Variants in NDST3 observed in about 807,000 individuals in gnomAD.
NDST3 encodes the protein bifunctional heparan sulfate N-deacetylase/N-sulfotransferase 3.
Under a neutral mutation model 96.1 loss-of-function variants are expected in NDST3, and 58 were observed. That is an observed-to-expected ratio of 0.60 (90% CI 0.49 to 0.75). NDST3 has a LOEUF of 0.75. Ranked by LOEUF, NDST3 falls within the 30% of genes least tolerant of loss-of-function variation. The probability of loss-of-function intolerance (pLI) is 0.00; values close to 1 mark genes in which losing one functional copy is unlikely to be tolerated. For synonymous variants in NDST3, 333 were observed against 359.7 expected (o/e 0.93, Z 0.84); for missense variants, 788 against 1,034.2 (o/e 0.76, Z 3.27).
chr4:118,251,919 T>C (rs775536598), intron 12 of NDST3, among the ~76,000 whole-genome samples: 4 of 152,200 alleles, frequency 2.6e-5, no homozygotes, highest in Non-Finnish European at 4.4e-5. Context: ...TCTTCTGATT[T>C]ATGAGCATGG....
At chr4:118,100,809 C>T (rs1412443278) in intron 2 of NDST3, among the ~76,000 whole-genome samples, 1 of 152,058 alleles carries the variant, frequency 6.6e-6, no homozygotes, top group Non-Finnish European at 1.5e-5. Flanking sequence ...TCATGTCTAC[C>T]ACTTCTGAAA....
At chr4:118,161,984 G>T (rs1218780564) in intron 6 of NDST3, among the ~76,000 whole-genome samples, 2 of 152,172 alleles carry the variant, frequency 1.3e-5, no homozygotes, top group Admixed American at 1.3e-4. Flanking sequence ...GGGAGCTGTA[G>T]ACCGGAGCTG....
At chr4:118,089,394 T>C (rs929382528) in intron 2 of NDST3, among the ~76,000 whole-genome samples, 1 of 151,934 alleles carries the variant, frequency 6.6e-6, no homozygotes, top group Non-Finnish European at 1.5e-5. Context: ...CCTGGACTTC[T>C]GGTGTCACTA....
intron 6 of NDST3, among the ~76,000 whole-genome samples, chr4:118,192,430 T>A (rs988530823): frequency 1.3e-5 from 2 of 152,194 alleles, no homozygotes; most frequent in Non-Finnish European, 2.9e-5. Flanking sequence ...CAGGTTTAAG[T>A]CTTTAATCCA....
At chr4:118,210,159 T>C (rs1393540953) in intron 6 of NDST3, among the ~76,000 whole-genome samples, 2 of 152,020 alleles carry the variant, frequency 1.3e-5, no homozygotes, top group East Asian at 3.9e-4. Context: ...TTGAGCATGA[T>C]CCCACCACCC....
Position 118,256,600 on chromosome 4 carries a change from T to C in NDST3, c.*888T>C, listed in dbSNP as rs1026094552. The C allele has an allele frequency of 6.6e-6, 1 of 152,210 alleles. No individual in the cohort carries two copies. The highest frequency in any genetic ancestry group is 1.5e-5 in the Non-Finnish European group (1 of 68,036). The allele number at this position is 152,210 out of a possible 1,614,324, so 9.4% of individuals were successfully genotyped here. A position where few individuals can be genotyped will look rare whatever the true frequency, so the allele number is the denominator to read the frequency against. ...AATCTATCCCAGTAGTCCTCACTAG[T>C]TCTACAGAAATGCATGCCTAGAGTC... On this transcript the variant is annotated 3_prime_UTR_variant, in exon 14 of 14. Coordinates refer to ENST00000296499, the MANE Select transcript of NDST3 (RefSeq NM_004784.3).
intron 6 of NDST3, among the ~76,000 whole-genome samples, chr4:118,197,601 C>A (rs569465310): frequency 6.6e-5 from 10 of 152,110 alleles, no homozygotes; most frequent in Non-Finnish European, 1.3e-4. Flanking sequence ...GTCTTGAAAT[C>A]TATTTTGTCT....
intron 13 of NDST3, among the ~76,000 whole-genome samples, chr4:118,254,720 T>C (rs73843414): frequency 2.0e-3 from 304 of 152,326 alleles, no homozygotes; most frequent in African/African-American, 6.7e-3. Flanking sequence ...CCACAATTAA[T>C]ACATTACATT....
intron 2 of NDST3, among the ~76,000 whole-genome samples, chr4:118,063,110 A>C (rs1047941059): frequency 2.6e-5 from 4 of 151,456 alleles, no homozygotes; most frequent in African/African-American, 9.7e-5. Context: ...AAATAGCTTG[A>C]ACCCGGGAGG....
intron 3 of NDST3, among the ~76,000 whole-genome samples, chr4:118,113,139 G>A (rs1292062712): frequency 1.3e-5 from 2 of 152,144 alleles, no homozygotes; most frequent in East Asian, 1.9e-4. Context: ...AATAAAATAG[G>A]TACTGCTGTC....
At chr4:118,060,048 T>C (rs1371454847) in intron 2 of NDST3, among the ~76,000 whole-genome samples, 2 of 152,118 alleles carry the variant, frequency 1.3e-5, no homozygotes, top group African/African-American at 4.8e-5. Context: ...TAGGAACATA[T>C]ATTATCTAAT....
chr4:118,070,612 G>A (rs1184825486), intron 2 of NDST3, among the ~76,000 whole-genome samples: 1 of 149,328 alleles, frequency 6.7e-6, no homozygotes, highest in East Asian at 2.0e-4. Context: ...CGTCATCTAT[G>A]TGTTCAACCC....
intron 4 of NDST3, among the ~76,000 whole-genome samples, chr4:118,132,513 A>G (rs1454746482): frequency 6.6e-6 from 1 of 152,152 alleles, no homozygotes; most frequent in East Asian, 1.9e-4. Context: ...TCAAGAGCCT[A>G]GGCCTGGACT....
chr4:118,252,273 C>G (rs749920968), intron 12 of NDST3, among the ~76,000 whole-genome samples: 1 of 152,010 alleles, frequency 6.6e-6, no homozygotes, highest in Non-Finnish European at 1.5e-5. Context: ...ACTTGGAGAC[C>G]AGTAAAAAAG....
At chr4:118,103,775 C>T (rs1729949909) in intron 2 of NDST3, among the ~76,000 whole-genome samples, 2 of 152,124 alleles carry the variant, frequency 1.3e-5, no homozygotes, top group Non-Finnish European at 2.9e-5. Context: ...TGAGTGTCAT[C>T]AGGACGCACA....
intron 10 of NDST3, among the ~76,000 whole-genome samples, chr4:118,238,165 AAGAAAGAAAG>A (rs1427884627): frequency 2.4e-4 from 10 of 41,302 alleles, no homozygotes; most frequent in Non-Finnish European, 4.4e-4. Context: ...AAAAGAAAGA[AAGAAAGAAAG>A]AAAGAAAGAA....
chr4:118,196,944 G>GTTT (rs59055512), intron 6 of NDST3, among the ~76,000 whole-genome samples: 1 of 127,590 alleles, frequency 7.8e-6, no homozygotes, highest in Admixed American at 7.7e-5. Context: ...TTTATTTGAA[G>GTTT]TTTTTTTTTT....
At chr4:118,083,533 C>T (rs190921008) in intron 2 of NDST3, among the ~76,000 whole-genome samples, 208 of 152,226 alleles carry the variant, frequency 1.4e-3, no homozygotes, top group African/African-American at 4.8e-3. Flanking sequence ...ACTTAAAATA[C>T]CCCCTTCACT....
chr4:118,114,764 A>C, intron 3 of NDST3, 42 bp from the exon 4 acceptor site: 2 of 1,564,620 alleles, frequency 1.3e-6, no homozygotes, highest in Non-Finnish European at 1.8e-6. Context: ...ATCATAGATC[A>C]GTGTAACTGG....
Sources: allele counts gnomAD v4.1 joint callset (sites outside exome capture counted in the v4.1 genomes callset), GRCh38; gene constraint gnomAD v4.1.1; transcripts MANE v1.5; gene names NCBI Gene and HGNC (gene_info 2026-07-23, HGNC 2026-07-21).